The following LITAF variants were observed in gnomAD, a reference collection of about 807,000 sequenced individuals.
LITAF encodes the protein lipopolysaccharide-induced tumor necrosis factor-alpha factor.
LITAF carries 9 observed loss-of-function variants against 14.5 expected under a neutral mutation model. That is an observed-to-expected ratio of 0.62 (90% CI 0.37 to 1.08). LITAF has a LOEUF of 1.08. LITAF is among the 50% of genes least tolerant of loss of function. The pLI is 0.01. For missense variants in LITAF, 206 were observed against 213.4 expected, an observed-to-expected ratio of 0.97 and a Z score of 0.22; for synonymous variants, 98 against 88.2, an observed-to-expected ratio of 1.11 and a Z score of -0.62.
upstream of LITAF, among the ~76,000 whole-genome samples, chr16:11,638,701 C>CAAAAAAAA (rs57170972): frequency 2.5e-4 from 19 of 75,964 alleles, 2 homozygotes; most frequent in South Asian, 4.5e-4. Flanking sequence ...GACTCTGTCT[C>CAAAAAAAA]AAAAAAAAAA....
rs769039302 is a variant in LITAF, at chr16:11,551,673, A to T, written c.377+1860T>A. 9 of 628,206 alleles carry T rather than the reference A, an allele frequency of 1.4e-5. No homozygotes were observed. In the South Asian group the frequency reaches 1.6e-4, roughly 11 times the overall value. 38.9% of individuals were successfully genotyped at this position (628,206 alleles called of 1,614,324 possible). ...CCTGCTTCCACACACACAAAAAAAA[A>T]ATTTAAAAATTAGCTAGGTATGGTG... On this transcript the variant is annotated intron_variant, in intron 3 of 3. Transcript: ENST00000622633.
chr16:11,572,748 G>A (rs2064564858), intron 1 of LITAF, among the ~76,000 whole-genome samples: 1 of 152,166 alleles, frequency 6.6e-6, no homozygotes, highest in Non-Finnish European at 1.5e-5. Flanking sequence ...TAGAACCCCG[G>A]CACAGAAAAG....
rs925353783 is a variant in LITAF, at chr16:11,586,553, C to T, written c.-6+333G>A. On this transcript the variant is annotated intron_variant, in intron 1 of 3. Coordinates refer to ENST00000622633, the MANE Select transcript of LITAF (RefSeq NM_001136472.2). This position sits in a 1 kb window ranked among gnomAD's most constrained non-coding sequence, Gnocchi z 6.5. Reference sequence around the variant, plus strand: ...TAAAAAGCCCAGGGGCCGTCCTCTCCGGGGAGGGGGACGCGGCGGGCCGCG... The same window carrying T: ...TAAAAAGCCCAGGGGCCGTCCTCTCTGGGGAGGGGGACGCGGCGGGCCGCG... 6.6e-6 allele frequency among the ~76,000 whole-genome samples: 1 copy of T among 152,066 alleles called. No individual in the cohort carries two copies. Among genetic ancestry groups the T allele is most frequent in the African/African-American group, 2.4e-5 (1 of 41,440 alleles).
upstream of LITAF, chr16:11,587,365 T>C: frequency 2.2e-6 from 1 of 453,074 alleles, no homozygotes; most frequent in Non-Finnish European, 4.4e-6. Context: ...GCTGGGGCGC[T>C]CCCGGCCCTC....
intron 1 of LITAF, chr16:11,561,495 T>G (rs544351265): frequency 6.6e-6 from 1 of 152,360 alleles, no homozygotes; most frequent in Non-Finnish European, 1.5e-5. Flanking sequence ...TGGTAACATC[T>G]TATCTTCTGG....
chr16:11,617,603 T>C (rs2065026536), intron 3 of LITAF, among the ~76,000 whole-genome samples: 1 of 151,574 alleles, frequency 6.6e-6, no homozygotes, highest in African/African-American at 2.4e-5. Flanking sequence ...ATTTTTGTAT[T>C]TTTAGTAGAG....
intron 3 of LITAF, among the ~76,000 whole-genome samples, chr16:11,630,270 T>C (rs1343913896): frequency 6.6e-6 from 1 of 152,168 alleles, no homozygotes; most frequent in Non-Finnish European, 1.5e-5. Flanking sequence ...ATCGATTGGT[T>C]TGGGGCACAA....
At chr16:11,638,701 C>CAAAAAAAAAAAA (rs57170972), upstream of LITAF, among the ~76,000 whole-genome samples, 5 of 75,952 alleles carry the variant, frequency 6.6e-5, no homozygotes, top group Non-Finnish European at 1.6e-4. Flanking sequence ...GACTCTGTCT[C>CAAAAAAAAAAAA]AAAAAAAAAA....
intron 3 of LITAF, among the ~76,000 whole-genome samples, chr16:11,610,730 C>T (rs1484619739): frequency 6.6e-6 from 1 of 152,130 alleles, no homozygotes; most frequent in Non-Finnish European, 1.5e-5. Flanking sequence ...TGCACAAATG[C>T]AGGGGGCACT....
Position 11,621,405 on chromosome 16 carries a change from A to T in LITAF, c.85+12128T>A, listed in dbSNP as rs374195722. ...TGTTTTGCAGAGATGGGGTCTTGCT[A>T]TGTAGCCCAGGCTGGTCTTTAACTC... On this transcript the variant is annotated intron_variant, in intron 3 of 3. Coordinates refer to the LITAF transcript ENST00000574848. Among the ~76,000 whole-genome samples, 5 of 152,010 alleles carry T rather than the reference A, an allele frequency of 3.3e-5. No homozygotes were observed. In the East Asian group the frequency reaches 5.8e-4, roughly 18 times the overall value.
At chr16:11,575,824 TG>T (rs1202495782) in intron 1 of LITAF, among the ~76,000 whole-genome samples, 1 of 152,222 alleles carries the variant, frequency 6.6e-6, no homozygotes, top group African/African-American at 2.4e-5. Context: ...CCACAGCCTC[TG>T]TAAACATTCC....
intron 3 of LITAF, among the ~76,000 whole-genome samples, chr16:11,623,706 C>A (rs1431437845): frequency 1.3e-5 from 2 of 151,320 alleles, no homozygotes; most frequent in African/African-American, 4.9e-5. Flanking sequence ...GTGGCTCACC[C>A]CTGTAATCCC....
chr16:11,629,705 G>A (rs2065106329), intron 3 of LITAF, among the ~76,000 whole-genome samples: 1 of 152,196 alleles, frequency 6.6e-6, no homozygotes. Flanking sequence ...AACAGACACT[G>A]CTGAGCTCAG....
At chr16:11,588,016 G>A (rs150074010), upstream of LITAF, among the ~76,000 whole-genome samples, 239 of 152,220 alleles carry the variant, frequency 1.6e-3, 2 homozygotes, top group African/African-American at 5.1e-3. Flanking sequence ...AGGGAGTGTG[G>A]CTTGTCCCGG....
chr16:11,567,857 C>T (rs1234362341), intron 1 of LITAF, among the ~76,000 whole-genome samples: 2 of 151,974 alleles, frequency 1.3e-5, no homozygotes, highest in Non-Finnish European at 2.9e-5. Context: ...GGTGACGCAG[C>T]CCTGTAATCC....
chr16:11,556,877 GA>G (rs2064279254), intron 1 of LITAF, 142 bp from the exon 2 acceptor site: 1 of 748,532 alleles, frequency 1.3e-6, no homozygotes, highest in Middle Eastern at 3.7e-4. Flanking sequence ...AAGCTAGGAA[GA>G]GGGTTAATGT....
At chr16:11,563,234 C>T (rs774998970) in intron 1 of LITAF, among the ~76,000 whole-genome samples, 1 of 152,060 alleles carries the variant, frequency 6.6e-6, no homozygotes, top group East Asian at 1.9e-4. Context: ...TGGCAACCTC[C>T]GCTTCCCAGG....
rs937597752 is a variant in LITAF at position 11,558,130 on chromosome 16, T to A, written c.-5-1395A>T. 6.6e-6 allele frequency among the ~76,000 whole-genome samples: 1 copy of A among 152,162 alleles called. No individual in the cohort carries two copies. The highest frequency in any genetic ancestry group is 1.5e-5 in the Non-Finnish European group (1 of 68,034). ...CTCCCCTCTCCCGACACTGTCTGCC[T>A]CATTTTCTAGAACTCGTGGGAAGCC... On this transcript the variant is annotated intron_variant, in intron 1 of 3. Transcript: ENST00000622633. The surrounding 1 kb of genome is among the most constrained non-coding windows in gnomAD (Gnocchi z 4.1).
intron 1 of LITAF, among the ~76,000 whole-genome samples, chr16:11,571,964 C>G (rs1288946803): frequency 3.9e-5 from 6 of 151,956 alleles, no homozygotes; most frequent in Non-Finnish European, 8.8e-5. Flanking sequence ...TGGTGCGCAC[C>G]TGTAGTCCCA....
Sources: gnomAD v4.1 joint callset for allele counts (sites outside exome capture counted in the v4.1 genomes callset) on GRCh38, gnomAD v4.1.1 for gene constraint, Gnocchi (gnomAD v3.1) non-coding constraint, MANE v1.5 for transcripts, NCBI Gene and HGNC (gene_info 2026-07-23, HGNC 2026-07-21) for gene names.